ADAMTS8: variants seen among roughly 807,000 people sequenced by gnomAD.
The protein encoded by ADAMTS8 is A disintegrin and metalloproteinase with thrombospondin motifs 8.
Under a neutral mutation model 64.4 loss-of-function variants are expected in ADAMTS8, and 50 were observed. The observed-to-expected ratio is 0.78, with a 90% confidence interval of 0.62 to 0.98. The LOEUF (loss-of-function observed/expected upper bound fraction) is 0.98. Among genes scored for constraint, ADAMTS8 ranks in the 50% least tolerant of loss-of-function variants. The pLI is 0.00. For missense variants in ADAMTS8, 1,192 were observed against 1,208.2 expected, an observed-to-expected ratio of 0.99 and a Z score of 0.20; for synonymous variants, 556 against 533.6, an observed-to-expected ratio of 1.04 and a Z score of -0.58.
Position 130,416,992 on chromosome 11 carries a change from G to A in ADAMTS8, c.1044C>T (p.Ser348=), listed in dbSNP as rs1862035005. 1.9e-6 allele frequency: 3 copies of A among 1,614,004 alleles called. No individual in the cohort carries two copies. Among genetic ancestry groups the A allele is most frequent in the Non-Finnish European group, 2.5e-6 (3 of 1,180,046 alleles). The change falls in exon 3 of 9, where the codon TCC becomes TCT. Residue 348 remains serine, a synonymous_variant. Transcript: ENST00000257359. This position sits in a 1 kb window ranked among gnomAD's most constrained non-coding sequence, Gnocchi z 4.8. The part of the protein sequence containing the change: ...GTICDPNKSC[S]VIEDEGLQAA... Reference sequence around the variant, plus strand: ...CCTGGAGCCCCTCATCCTCGATCACGGAGCAGCTTTTGTTGGGGTCACAAA... The same window carrying A: ...CCTGGAGCCCCTCATCCTCGATCACAGAGCAGCTTTTGTTGGGGTCACAAA...
intron 1 of ADAMTS8, among the ~76,000 whole-genome samples, chr11:130,422,501 T>G (rs1216977701): frequency 2.0e-5 from 3 of 151,934 alleles, no homozygotes; most frequent in African/African-American, 7.3e-5. Context: ...GCGGCGCGCC[T>G]GGGGGGAGGT....
At chr11:130,408,746 T>C in intron 7 of ADAMTS8, 22 bp downstream of exon 7, 2 of 1,613,756 alleles carry the variant, frequency 1.2e-6, no homozygotes, top group East Asian at 4.5e-5. Flanking sequence ...TCTCTGGATC[T>C]GAGTCCCAGG....
intron 1 of ADAMTS8, among the ~76,000 whole-genome samples, chr11:130,420,631 C>T (rs773196255): frequency 8.3e-4 from 126 of 152,166 alleles, no homozygotes; most frequent in Non-Finnish European, 1.3e-3. Context: ...CATGTGTGGG[C>T]GTTCCAGATG....
intron 2 of ADAMTS8, among the ~76,000 whole-genome samples, chr11:130,418,409 A>C (rs1206522338): frequency 1.3e-5 from 2 of 152,234 alleles, no homozygotes; most frequent in Non-Finnish European, 2.9e-5. Flanking sequence ...TTGTGGGGAC[A>C]GGACAGCACA....
At chr11:130,414,863 C>A (rs745908191) in intron 4 of ADAMTS8, 31 bp from the exon 5 acceptor site, 1 of 1,567,182 alleles carries the variant, frequency 6.4e-7, no homozygotes, top group Non-Finnish European at 8.7e-7. Context: ...GGTGTAAGAA[C>A]ATGCACAGGG....
rs967851508 is a variant in ADAMTS8 at position 130,416,434 on chromosome 11, C to T, written c.1097-104G>A. On this transcript the variant is annotated intron_variant, in intron 3 of 8. Coordinates refer to ENST00000257359, the MANE Select transcript of ADAMTS8 (RefSeq NM_007037.6). The surrounding 1 kb of genome is among the most constrained non-coding windows in gnomAD (Gnocchi z 4.8). The stretch of plus-strand genomic sequence containing the variant: ...AGCTCCTCAGGGGAGCAGCCACCCC[C>T]TCACTCTCCGAAGATTTCTGCGTAG... The T allele has an allele frequency of 4.6e-6, 6 of 1,295,632 alleles. No homozygotes were observed. Among genetic ancestry groups the T allele is most frequent in the Non-Finnish European group, 6.2e-6 (6 of 971,868 alleles). 80.3% of individuals were successfully genotyped at this position (1,295,632 alleles called of 1,614,324 possible). A position where few individuals can be genotyped will look rare whatever the true frequency, so the allele number is the denominator to read the frequency against.
chr11:130,414,564 G>A lies in ADAMTS8; in HGVS notation c.1533C>T (p.Ser511=), dbSNP rs1178419526. The change falls in exon 5 of 9, where the codon AGC becomes AGT. Residue 511 remains serine, a synonymous_variant. Coordinates refer to ENST00000257359, the MANE Select transcript of ADAMTS8 (RefSeq NM_007037.6). Reference sequence around the variant, plus strand: ...TCTCCACTTCCTCCTCAGGTAGACAGCTGCCTTCTGAGCAGAGGTGCCCAG... The same window carrying A: ...TCTCCACTTCCTCCTCAGGTAGACAACTGCCTTCTGAGCAGAGGTGCCCAG... ...CGPGHLCSEG[S]CLPEEEVERP... is the part of the protein sequence containing the mutation. 1.7e-5 allele frequency: 27 copies of A among 1,608,468 alleles called. No homozygotes were observed. Among genetic ancestry groups the A allele is most frequent in the Non-Finnish European group, 2.1e-5 (25 of 1,176,288 alleles).
intron 6 of ADAMTS8, among the ~76,000 whole-genome samples, chr11:130,410,270 C>G (rs1861936399): frequency 6.6e-6 from 1 of 152,188 alleles, no homozygotes; most frequent in African/African-American, 2.4e-5. Context: ...AATTGGACTA[C>G]AAGCTCCTTA....
chr11:130,405,312 C>G lies in ADAMTS8; in HGVS notation c.*246G>C, dbSNP rs781753988. The G allele has an allele frequency of 3.0e-5, 39 of 1,304,112 alleles. No homozygotes were observed. Among genetic ancestry groups the G allele is most frequent in the Non-Finnish European group, 3.5e-5 (36 of 1,030,096 alleles). 80.8% of individuals were successfully genotyped at this position (1,304,112 alleles called of 1,614,324 possible). A position where few individuals can be genotyped will look rare whatever the true frequency, so the allele number is the denominator to read the frequency against. On this transcript the variant is annotated 3_prime_UTR_variant, in exon 9 of 9. Coordinates refer to ENST00000257359, the MANE Select transcript of ADAMTS8 (RefSeq NM_007037.6). ...GTGCACTTTTACCTTTTAACCTATG[C>G]CCTCTACTTGAACCCGAGCAAGGTC...
At chr11:130,420,703 TG>T (rs1259509518) in intron 1 of ADAMTS8, among the ~76,000 whole-genome samples, 1 of 152,112 alleles carries the variant, frequency 6.6e-6, no homozygotes, top group Admixed American at 6.6e-5. Context: ...CCAGGTATTT[TG>T]TTAGCCCTAC....
rs534692004 is a variant in ADAMTS8 at position 130,411,273 on chromosome 11, C to T, written c.1750+144G>A. 314 of 1,015,434 alleles carry T rather than the reference C, an allele frequency of 3.1e-4. 2 individuals carry two copies. The African/African-American group carries it at 4.7e-3, about 15-fold the overall frequency. The allele number at this position is 1,015,434 out of a possible 1,614,324, so 62.9% of individuals were successfully genotyped here. ...GGAGATCACAGGCAAAACTCTACAT[C>T]CCAGGAGACCCAATTTACTCCCCTC... On this transcript the variant is annotated intron_variant, in intron 6 of 8. Coordinates refer to ENST00000257359, the MANE Select transcript of ADAMTS8 (RefSeq NM_007037.6). The surrounding 1 kb of genome is among the most constrained non-coding windows in gnomAD (Gnocchi z 4.2).
intron 6 of ADAMTS8, among the ~76,000 whole-genome samples, chr11:130,410,335 CA>C (rs1044694895): frequency 9.9e-5 from 15 of 152,258 alleles, no homozygotes; most frequent in African/African-American, 2.9e-4. Context: ...TCTAGACACA[CA>C]AAAAATACTA....
chr11:130,408,430 C>T (rs942484459), intron 8 of ADAMTS8, 34 bp downstream of exon 8: 1 of 1,610,444 alleles, frequency 6.2e-7, no homozygotes, highest in African/African-American at 1.3e-5. Flanking sequence ...TGCTCTTCTA[C>T]CAAGCAAGGT....
chr11:130,405,514 T>C lies in ADAMTS8; in HGVS notation c.*44A>G. 6.5e-7 allele frequency: 1 copy of C among 1,549,364 alleles called. No homozygotes were observed. ...GTGGAGACCCTTGTCTGCACCTCAG[T>C]ACCGCATGTCCAGGAGCACAAGACT... On this transcript the variant is annotated 3_prime_UTR_variant, in exon 9 of 9. Transcript: ENST00000257359.
Position 130,405,898 on chromosome 11 carries a change from T to C in ADAMTS8, c.2330A>G (p.Gln777Arg), listed in dbSNP as rs1489675336. 1 of 1,614,126 alleles carries C rather than the reference T, an allele frequency of 6.2e-7. No homozygotes were observed. The highest frequency in any genetic ancestry group is 8.5e-7 in the Non-Finnish European group (1 of 1,179,970). ...SGSIATLERL[Q>R]SFRPLPEPLT... is the part of the protein sequence containing the mutation. ...AGGCTCTGGCAAGGGCCGGAAGCTCTGCAGGCGCTCCAGGGTGGCGATGGA... is the reference window on the plus strand; with the variant it reads ...AGGCTCTGGCAAGGGCCGGAAGCTCCGCAGGCGCTCCAGGGTGGCGATGGA... The change falls in exon 9 of 9, where the codon CAG becomes CGG. Residue 777 changes from glutamine (Q) to arginine (R), a missense_variant. Coordinates refer to ENST00000257359, the MANE Select transcript of ADAMTS8 (RefSeq NM_007037.6).
At position 130,427,577 on chromosome 11, in the gene ADAMTS8, G is replaced by A; in HGVS notation, c.710C>T (p.Ala237Val). Reference protein sequence around the residue: ...ADASMAAFYGADLQNHILTLM... With the variant: ...ADASMAAFYGVDLQNHILTLM... Reference sequence around the variant, plus strand: ...GGCTCTCAGTCCTACCTGCAGGTCGGCCCCGTAGAAGGCAGCCATGGACGC... The same window carrying A: ...GGCTCTCAGTCCTACCTGCAGGTCGACCCCGTAGAAGGCAGCCATGGACGC... The change falls in exon 1 of 9, where the codon GCC becomes GTC. Residue 237 changes from alanine (A) to valine (V), a missense_variant. By Grantham distance (64) the Ala-to-Val change is moderately conservative (BLOSUM62 0). This residue lies in a region of ADAMTS8 where 741 missense variants were observed against 710.6 expected (regional missense o/e 1.04). Transcript: ENST00000257359. The A allele has an allele frequency of 1.9e-6, 3 of 1,538,520 alleles. No individual in the cohort carries two copies. Among genetic ancestry groups the A allele is most frequent in the Non-Finnish European group, 2.6e-6 (3 of 1,146,826 alleles).
At chr11:130,407,270 A>G (rs1861896139) in intron 8 of ADAMTS8, among the ~76,000 whole-genome samples, 1 of 152,236 alleles carries the variant, frequency 6.6e-6, no homozygotes, top group Non-Finnish European at 1.5e-5. Flanking sequence ...TGGGAAGCTG[A>G]GGCAGGAGAA....
chr11:130,421,489 CT>C (rs1410216753), intron 1 of ADAMTS8, among the ~76,000 whole-genome samples: 20 of 152,276 alleles, frequency 1.3e-4, no homozygotes, highest in African/African-American at 4.8e-4. Context: ...TCTGAAGGTC[CT>C]TCTGGCCGCT....
chr11:130,405,202 A>G lies in ADAMTS8; in HGVS notation c.*356T>C. 3 of 1,042,514 alleles carry G rather than the reference A, an allele frequency of 2.9e-6. No homozygotes were observed. The highest frequency in any genetic ancestry group is 3.5e-6 in the Non-Finnish European group (3 of 867,448). The allele number at this position is 1,042,514 out of a possible 1,614,324, so 64.6% of individuals were successfully genotyped here. On this transcript the variant is annotated 3_prime_UTR_variant, in exon 9 of 9. Transcript: ENST00000257359. Reference sequence around the variant, plus strand: ...CTGTGAGGTAGATTATTTATCGGGGAAACCAGATAGAATTTTTTTTTTCAT... The same window carrying G: ...CTGTGAGGTAGATTATTTATCGGGGGAACCAGATAGAATTTTTTTTTTCAT...
Sources: gnomAD v4.1 joint callset for allele counts (sites outside exome capture counted in the v4.1 genomes callset) on GRCh38, gnomAD v4.1.1 for gene constraint, gnomAD v4.1.1 regional missense constraint, Gnocchi (gnomAD v3.1) non-coding constraint, MANE v1.5 for transcripts, NCBI Gene and HGNC (gene_info 2026-07-23, HGNC 2026-07-21) for gene names.